Variants in SCPEP1 observed in about 807,000 individuals in gnomAD.
SCPEP1 encodes the protein serine carboxypeptidase 1.
In SCPEP1, 51 loss-of-function variants were observed where a neutral mutation model predicts 63.8. That is an observed-to-expected ratio of 0.80 (90% CI 0.64 to 1.01). SCPEP1 has a LOEUF of 1.01. Among genes scored for constraint, SCPEP1 ranks in the 50% least tolerant of loss-of-function variants. The pLI is 0.00. For synonymous variants in SCPEP1, 204 were observed against 207.8 expected (o/e 0.98, Z 0.16); for missense variants, 499 against 554.9 (o/e 0.90, Z 1.01).
intron 6 of SCPEP1, among the ~76,000 whole-genome samples, chr17:56,993,461 G>A (rs1016425064): frequency 6.6e-6 from 1 of 152,116 alleles, no homozygotes; most frequent in African/African-American, 2.4e-5. Flanking sequence ...TGTTTGTTTT[G>A]AGATGGAGTT....
chr17:56,994,865 A>C, intron 6 of SCPEP1, 116 bp from the exon 7 acceptor site: 1 of 912,382 alleles, frequency 1.1e-6, no homozygotes, highest in Non-Finnish European at 1.8e-6. Context: ...TTCCAATCCA[A>C]AGCCACCGGG....
At chr17:56,996,451 C>A (rs1310713606) in intron 8 of SCPEP1, among the ~76,000 whole-genome samples, 1 of 152,114 alleles carries the variant, frequency 6.6e-6, no homozygotes, top group Non-Finnish European at 1.5e-5. Flanking sequence ...GTGATCCACC[C>A]ACCTCAGCCT....
chr17:57,005,273 G>C (rs554396833), intron 12 of SCPEP1, among the ~76,000 whole-genome samples: 18 of 152,296 alleles, frequency 1.2e-4, no homozygotes, highest in Non-Finnish European at 2.4e-4. Flanking sequence ...TCCCTGACGA[G>C]GCTGGTAGGA....
chr17:56,995,317 C>T (rs1019322147), intron 7 of SCPEP1, 190 bp from the exon 8 acceptor site: 4 of 611,062 alleles, frequency 6.5e-6, no homozygotes, highest in Admixed American at 6.4e-5. Context: ...ACGGTGAATA[C>T]CTACTTAGGT....
intron 3 of SCPEP1, 145 bp downstream of exon 3, chr17:56,985,612 C>T: frequency 3.1e-6 from 2 of 651,656 alleles, no homozygotes; most frequent in Middle Eastern, 4.2e-4. Flanking sequence ...CACTTGTCCG[C>T]AGGCTTCCTC....
At chr17:56,999,269 C>A (rs1911668000) in intron 10 of SCPEP1, among the ~76,000 whole-genome samples, 1 of 152,170 alleles carries the variant, frequency 6.6e-6, no homozygotes, top group African/African-American at 2.4e-5. Flanking sequence ...CTGACCTCCC[C>A]AGGCATCCTG....
At chr17:56,992,393 A>G (rs1243513196) in intron 6 of SCPEP1, among the ~76,000 whole-genome samples, 1 of 152,136 alleles carries the variant, frequency 6.6e-6, no homozygotes, top group African/African-American at 2.4e-5. Context: ...GTAGGACATC[A>G]TAAAACTGCA....
chr17:56,981,142 G>A lies in SCPEP1; in HGVS notation c.137G>A (p.Arg46His), dbSNP rs556719579. The A allele has an allele frequency of 1.1e-5, 17 of 1,614,132 alleles. No homozygotes were observed. Among genetic ancestry groups the A allele is most frequent in the South Asian group, 7.7e-5 (7 of 91,078 alleles). The change falls in exon 2 of 13, where the codon CGC becomes CAC. Residue 46 changes from arginine to histidine, a missense_variant. Physicochemically the swap from Arg to His is conservative, Grantham distance 29. Transcript: ENST00000262288. ...GAAGTATGGGATTATGTGACGGTCC[G>A]CAAGGATGCCTACATGTTCTGGTGG... Reference protein sequence around the residue: ...GKEVWDYVTVRKDAYMFWWLY... With the variant: ...GKEVWDYVTVHKDAYMFWWLY...
At chr17:56,992,277 T>A (rs1329909687) in intron 6 of SCPEP1, among the ~76,000 whole-genome samples, 1 of 152,152 alleles carries the variant, frequency 6.6e-6, no homozygotes, top group African/African-American at 2.4e-5. Context: ...TTTCTTGCCC[T>A]CATGTTTGCC....
intron 5 of SCPEP1, among the ~76,000 whole-genome samples, chr17:56,989,438 A>T (rs1911318617): frequency 6.6e-6 from 1 of 152,228 alleles, no homozygotes; most frequent in Admixed American, 6.5e-5. Flanking sequence ...TTAAAAGGAC[A>T]ATTTGACAAT....
Position 56,986,345 on chromosome 17 carries a change from G to A in SCPEP1, c.315+878G>A, listed in dbSNP as rs558463345. On this transcript the variant is annotated intron_variant, in intron 3 of 12. Transcript: ENST00000262288. ...AGCGATTCTCCTGCCTCAGCCTCCC[G>A]AGTAGCTGGGATTATAGGCATGCGC... is the stretch of plus-strand genomic sequence containing the variant. Among the ~76,000 whole-genome samples the A allele has an allele frequency of 2.8e-4, 42 of 151,470 alleles. No individual in the cohort carries two copies. The South Asian group carries it at 3.5e-3, about 13-fold the overall frequency.
At position 56,997,026 on chromosome 17, in the gene SCPEP1, C is replaced by T. The variant is rs368526202; in HGVS notation, c.851C>T (p.Ser284Leu). The change falls in exon 9 of 13, where the codon TCG becomes TTG. Residue 284 changes from serine (S) to leucine (L), a missense_variant. Coordinates refer to ENST00000262288, the MANE Select transcript of SCPEP1 (RefSeq NM_021626.3). ...AGCACTCCCACGTCTACAATGGAGT[C>T]GAGTCTAGAATTCACACAGAGCCAC... ...TKSTPTSTMESSLEFTQSHLV... is the reference protein window; with the variant it reads ...TKSTPTSTMELSLEFTQSHLV... The T allele has an allele frequency of 5.2e-5, 83 of 1,607,394 alleles. No individual in the cohort carries two copies. The highest frequency in any genetic ancestry group is 1.0e-4 in the South Asian group (9 of 90,172).
rs1285166131 is a variant in SCPEP1, at chr17:56,987,517, T to C, written c.316-178T>C. ...GGCGGTTGGCCTTTCTTTGTTTTTGTTTTTTTTTCTATGTTCCTGTCCCTT... is the reference window on the plus strand; with the variant it reads ...GGCGGTTGGCCTTTCTTTGTTTTTGCTTTTTTTTCTATGTTCCTGTCCCTT... On this transcript the variant is annotated intron_variant, in intron 3 of 12. Transcript: ENST00000262288. 4 of 528,974 alleles carry C rather than the reference T, an allele frequency of 7.6e-6. No individual in the cohort carries two copies. The Admixed American group carries it at 1.7e-4, about 22-fold the overall frequency. 32.8% of individuals were successfully genotyped at this position (528,974 alleles called of 1,614,324 possible).
chr17:57,006,438 A>AT lies in SCPEP1; in HGVS notation c.*209dup. 2 of 383,016 alleles carry AT rather than the reference A, an allele frequency of 5.2e-6. No individual in the cohort carries two copies. Among genetic ancestry groups the AT allele is most frequent in the East Asian group, 3.9e-5 (1 of 25,722 alleles). 23.7% of individuals were successfully genotyped at this position (383,016 alleles called of 1,614,324 possible). On this transcript the variant is annotated 3_prime_UTR_variant, in exon 13 of 13. Coordinates refer to ENST00000262288, the MANE Select transcript of SCPEP1 (RefSeq NM_021626.3). ...TTTCTGCTTCTTAAAAAAACCTAAG[A>AT]TTTTTTAAAAAATTGATTTGTTTTG...
At chr17:56,981,327 C>A in intron 2 of SCPEP1, 97 bp downstream of exon 2, 1 of 1,395,398 alleles carries the variant, frequency 7.2e-7, no homozygotes, top group Non-Finnish European at 9.9e-7. Context: ...CAGTGAAGGG[C>A]GGATTTGGTC....
intron 8 of SCPEP1, among the ~76,000 whole-genome samples, 163 bp from the exon 9 acceptor site, chr17:56,996,799 A>T (rs548835476): frequency 2.0e-5 from 3 of 152,242 alleles, no homozygotes; most frequent in South Asian, 2.1e-4. Context: ...GATTACAGAC[A>T]TGAGCCACCA....
chr17:56,990,962 G>T, intron 5 of SCPEP1, 137 bp from the exon 6 acceptor site: 1 of 728,578 alleles, frequency 1.4e-6, no homozygotes, highest in Non-Finnish European at 2.5e-6. Context: ...GTAGAGATGG[G>T]GGTCTCACTA....
At chr17:56,987,117 C>T (rs1911245511) in intron 3 of SCPEP1, 1 of 152,438 alleles carries the variant, frequency 6.6e-6, no homozygotes, top group East Asian at 1.9e-4. Flanking sequence ...TCTTTCTGGG[C>T]TTTAATTTCC....
At chr17:57,005,271 G>A (rs534452170) in intron 12 of SCPEP1, among the ~76,000 whole-genome samples, 3 of 152,316 alleles carry the variant, frequency 2.0e-5, no homozygotes, top group East Asian at 1.9e-4. Context: ...AGTCCCTGAC[G>A]AGGCTGGTAG....
Sources: gnomAD v4.1 joint callset for allele counts (sites outside exome capture counted in the v4.1 genomes callset) on GRCh38, gnomAD v4.1.1 for gene constraint, MANE v1.5 for transcripts, NCBI Gene and HGNC (gene_info 2026-07-23, HGNC 2026-07-21) for gene names.